The following CAMTA1 variants were observed in gnomAD, a reference collection of about 807,000 sequenced individuals.
CAMTA1 encodes the protein calmodulin-binding transcription activator 1.
In CAMTA1, 27 loss-of-function variants were observed where a neutral mutation model predicts 170.9. That is an observed-to-expected ratio of 0.16 (90% CI 0.12 to 0.22). The LOEUF (loss-of-function observed/expected upper bound fraction) is 0.22. Ranked by LOEUF, CAMTA1 falls within the 10% of genes least tolerant of loss-of-function variation. The pLI, the probability that CAMTA1 is intolerant of heterozygous loss-of-function variation, is 1.00. For synonymous variants in CAMTA1, 833 were observed against 891.5 expected (o/e 0.93, Z 1.17); for missense variants, 1,619 against 2,217.2 (o/e 0.73, Z 5.42).
intron 3 of CAMTA1, among the ~76,000 whole-genome samples, chr1:6,900,183 A>G (rs1676626199): frequency 6.6e-6 from 1 of 152,230 alleles, no homozygotes; most frequent in African/African-American, 2.4e-5. Flanking sequence ...ATTGCTTGGT[A>G]CATTGGTAGT....
At chr1:6,884,312 ACACAC>A (rs1348418087) in intron 3 of CAMTA1, among the ~76,000 whole-genome samples, 2 of 146,478 alleles carry the variant, frequency 1.4e-5, no homozygotes, top group Non-Finnish European at 3.1e-5. Context: ...ACACACACAC[ACACAC>A]ACACACACAC....
chr1:7,371,236 GGGTTT>G (rs2086440854), intron 5 of CAMTA1, among the ~76,000 whole-genome samples: 4 of 103,580 alleles, frequency 3.9e-5, no homozygotes, highest in Non-Finnish European at 7.6e-5. Context: ...CTAATGCTCT[GGGTTT>G]TGTTTGTTTG....
In CAMTA1 at chr1:7,212,159, C is replaced by A. The variant is rs562430755; in HGVS notation, c.303-37332C>A. The stretch of plus-strand genomic sequence containing the variant: ...TAATCAAAATACTGTGTTCATAAGC[C>A]TTTTGGGTTAATCTCTACCCCCTTT... On this transcript the variant is annotated intron_variant, in intron 4 of 22. Transcript: ENST00000303635. Among the ~76,000 whole-genome samples the A allele has an allele frequency of 9.9e-5, 15 of 152,224 alleles. No homozygotes were observed. The East Asian group carries it at 2.9e-3, about 29-fold the overall frequency.
intron 6 of CAMTA1, among the ~76,000 whole-genome samples, chr1:7,575,430 C>T (rs1346293274): frequency 6.6e-6 from 1 of 152,182 alleles, no homozygotes; most frequent in African/African-American, 2.4e-5. Flanking sequence ...CTAAGTTCCT[C>T]CTGTTTCTTA....
chr1:7,730,724 C>T lies in CAMTA1; in HGVS notation c.2915-1724C>T, dbSNP rs557185977. Among the ~76,000 whole-genome samples the T allele has an allele frequency of 2.0e-4, 30 of 152,052 alleles. 1 individual carries two copies. Among genetic ancestry groups the T allele is most frequent in the African/African-American group, 7.0e-4 (29 of 41,460 alleles). ...CAGCCTGGCCAACATGGTGAAACCC[C>T]GTCTCTACTAAAAATACAAAAAAGA... On this transcript the variant is annotated intron_variant, in intron 11 of 22. Transcript: ENST00000303635.
At position 7,634,729 on chromosome 1, in the gene CAMTA1, C is replaced by T. The variant is rs1291894336; in HGVS notation, c.511-5671C>T. 6.6e-6 allele frequency among the ~76,000 whole-genome samples: 1 copy of T among 152,028 alleles called. No individual in the cohort carries two copies. Among genetic ancestry groups the T allele is most frequent in the Non-Finnish European group, 1.5e-5 (1 of 67,940 alleles). On this transcript the variant is annotated intron_variant, in intron 6 of 22. Coordinates refer to ENST00000303635, the MANE Select transcript of CAMTA1 (RefSeq NM_015215.4). This position sits in a 1 kb window ranked among gnomAD's most constrained non-coding sequence, Gnocchi z 6.2. ...GGGGGCTCTAAGCAGCAGAAGTGCC[C>T]GCTGGAGGCTTAACTCTGCTCACCC...
intron 1 of CAMTA1, among the ~76,000 whole-genome samples, chr1:6,813,495 T>C (rs79328007): frequency 6.6e-6 from 1 of 151,784 alleles, no homozygotes; most frequent in Admixed American, 6.6e-5. Context: ...TTTTTTTTTT[T>C]AAGCAGGTTT....
At chr1:7,515,321 G>A (rs2094268484) in intron 6 of CAMTA1, among the ~76,000 whole-genome samples, 1 of 152,216 alleles carries the variant, frequency 6.6e-6, no homozygotes, top group African/African-American at 2.4e-5. Context: ...ACATCAGGAA[G>A]AAAGAGGCCT....
At chr1:6,999,438 C>T (rs141520948) in intron 3 of CAMTA1, among the ~76,000 whole-genome samples, 1,589 of 152,252 alleles carry the variant, frequency 0.01, 9 homozygotes, top group Non-Finnish European at 0.018. Flanking sequence ...GGCTGGAGTG[C>T]GGTGGTGCCA....
rs951471561 is a variant in CAMTA1, at chr1:7,547,361, CACA to C, written c.510+79461_510+79463del. Among the ~76,000 whole-genome samples the C allele has an allele frequency of 1.3e-5, 2 of 149,154 alleles. No homozygotes were observed. Among genetic ancestry groups the C allele is most frequent in the African/African-American group, 4.9e-5 (2 of 40,558 alleles). Reference sequence around the variant, plus strand: ...TATGTATCATATGCACACACACACACACACACACACACACACACACACACACAC... The same window carrying C: ...TATGTATCATATGCACACACACACACCACACACACACACACACACACACAC... On this transcript the variant is annotated intron_variant, in intron 6 of 22. Transcript: ENST00000303635. The surrounding 1 kb of genome is among the most constrained non-coding windows in gnomAD (Gnocchi z 5.7).
intron 5 of CAMTA1, among the ~76,000 whole-genome samples, chr1:7,263,841 C>A (rs745880658): frequency 2.6e-4 from 40 of 152,174 alleles, no homozygotes; most frequent in Non-Finnish European, 4.4e-4. Flanking sequence ...ATTTAGGCAG[C>A]AAAAGTATTT....
chr1:6,954,977 G>A (rs1050820566), intron 3 of CAMTA1, among the ~76,000 whole-genome samples: 3 of 152,156 alleles, frequency 2.0e-5, no homozygotes, highest in Middle Eastern at 3.2e-3. Context: ...ACTTCCTAGT[G>A]TTTATTCTCC....
intron 22 of CAMTA1, among the ~76,000 whole-genome samples, chr1:7,762,149 G>A (rs1014897978): frequency 3.9e-5 from 6 of 152,068 alleles, no homozygotes; most frequent in African/African-American, 1.4e-4. Flanking sequence ...CTCTAAATAA[G>A]TGGAGAAAAT....
At chr1:7,068,717 G>T (rs574077634) in intron 3 of CAMTA1, among the ~76,000 whole-genome samples, 8 of 152,196 alleles carry the variant, frequency 5.3e-5, no homozygotes, top group Admixed American at 5.2e-4. Context: ...CAATTAGCCT[G>T]CCAGGGCCTC....
chr1:7,560,188 G>A (rs1240807070), intron 6 of CAMTA1, among the ~76,000 whole-genome samples: 1 of 152,188 alleles, frequency 6.6e-6, no homozygotes, highest in Non-Finnish European at 1.5e-5. Context: ...AGGGCAGCAG[G>A]GCCCCCTGGC....
intron 10 of CAMTA1, 148 bp from the exon 11 acceptor site, chr1:7,677,451 C>G: frequency 1.1e-6 from 1 of 939,898 alleles, no homozygotes; most frequent in East Asian, 2.5e-5. Context: ...GTTTGGGCCT[C>G]GAATGAGCAG....
chr1:7,010,988 T>G lies in CAMTA1; in HGVS notation c.235-80316T>G, dbSNP rs1699692069. Reference sequence around the variant, plus strand: ...TGGCTGCCGCTGTCCAGCCCTGATCTCTGGGGCAAATGAATGTTCCAACCC... The same window carrying G: ...TGGCTGCCGCTGTCCAGCCCTGATCGCTGGGGCAAATGAATGTTCCAACCC... On this transcript the variant is annotated intron_variant, in intron 3 of 22. Coordinates refer to ENST00000303635, the MANE Select transcript of CAMTA1 (RefSeq NM_015215.4). The surrounding 1 kb of genome is among the most constrained non-coding windows in gnomAD (Gnocchi z 4.4). Among the ~76,000 whole-genome samples, 1 of 152,142 alleles carries G rather than the reference T, an allele frequency of 6.6e-6. No individual in the cohort carries two copies. Among genetic ancestry groups the G allele is most frequent in the Non-Finnish European group, 1.5e-5 (1 of 68,014 alleles).
intron 5 of CAMTA1, among the ~76,000 whole-genome samples, chr1:7,273,124 A>G (rs961938536): frequency 2.6e-5 from 4 of 152,208 alleles, no homozygotes; most frequent in Non-Finnish European, 5.9e-5. Context: ...ACGTGGAGAA[A>G]TTGGAACCCT....
intron 3 of CAMTA1, among the ~76,000 whole-genome samples, chr1:6,839,071 C>T (rs1407394381): frequency 1.3e-5 from 2 of 151,818 alleles, no homozygotes; most frequent in African/African-American, 2.4e-5. Flanking sequence ...TTATGTTTAT[C>T]GACTGTTTAT....
Sources: allele counts gnomAD v4.1 joint callset (sites outside exome capture counted in the v4.1 genomes callset), GRCh38; gene constraint gnomAD v4.1.1; non-coding constraint Gnocchi (gnomAD v3.1); transcripts MANE v1.5; gene names NCBI Gene and HGNC (gene_info 2026-07-23, HGNC 2026-07-21).